ARHGEF10L: variants seen among roughly 807,000 people sequenced by gnomAD.
The protein encoded by ARHGEF10L is rho guanine nucleotide exchange factor 10-like protein.
A neutral mutation model predicts 141.2 loss-of-function variants in ARHGEF10L; 69 were observed. The ratio of observed to expected loss-of-function variants is 0.49; its 90% CI spans 0.40 to 0.60. The LOEUF (loss-of-function observed/expected upper bound fraction) is 0.60, where lower values mean the gene tolerates loss of function less well. ARHGEF10L is among the 20% of genes least tolerant of loss of function. The probability of loss-of-function intolerance (pLI) is 0.00; values close to 1 mark genes in which losing one functional copy is unlikely to be tolerated. For missense variants in ARHGEF10L, 1,482 were observed against 1,734.3 expected (o/e 0.85, Z 2.58); for synonymous variants, 711 against 718.5 (o/e 0.99, Z 0.17).
At chr1:17,685,602 A>T (rs2064505076) in intron 26 of ARHGEF10L, among the ~76,000 whole-genome samples, 1 of 152,146 alleles carries the variant, frequency 6.6e-6, no homozygotes, top group South Asian at 2.1e-4. Flanking sequence ...CTTTGTTTTA[A>T]TTGCCTCCTG....
chr1:17,544,339 G>A (rs1015611428), intron 1 of ARHGEF10L, among the ~76,000 whole-genome samples: 1 of 151,722 alleles, frequency 6.6e-6, no homozygotes, highest in East Asian at 1.9e-4. Flanking sequence ...TGCTCAGGCT[G>A]GAGTGCAATG....
Position 17,623,236 on chromosome 1 carries a change from C to A in ARHGEF10L, c.1200+61C>A. 1 of 1,563,734 alleles carries A rather than the reference C, an allele frequency of 6.4e-7. No individual in the cohort carries two copies. Among genetic ancestry groups the A allele is most frequent in the Non-Finnish European group, 8.7e-7 (1 of 1,150,174 alleles). ...GGTAAAACCACAACCAGTCTGACCC[C>A]GGGGCCATGCAGTCCAGCCTCCTGC... On this transcript the variant is annotated intron_variant, in intron 12 of 28. Coordinates refer to ENST00000361221, the MANE Select transcript of ARHGEF10L (RefSeq NM_018125.4). The surrounding 1 kb of genome is among the most constrained non-coding windows in gnomAD (Gnocchi z 4.7).
At chr1:17,548,956 G>A (rs765302189) in intron 1 of ARHGEF10L, among the ~76,000 whole-genome samples, 39 of 150,926 alleles carry the variant, frequency 2.6e-4, no homozygotes, top group Non-Finnish European at 4.6e-4. Context: ...GCCCTGGGAT[G>A]GCATATTCTG....
intron 26 of ARHGEF10L, among the ~76,000 whole-genome samples, chr1:17,668,132 C>T (rs2063097847): frequency 6.6e-6 from 1 of 152,198 alleles, no homozygotes; most frequent in Non-Finnish European, 1.5e-5. Context: ...ACGGTCTTGG[C>T]ACGTGGCGAG....
chr1:17,578,262 G>A (rs2078304042), intron 1 of ARHGEF10L, among the ~76,000 whole-genome samples: 1 of 152,196 alleles, frequency 6.6e-6, no homozygotes, highest in Admixed American at 6.5e-5. Flanking sequence ...TAGCAGGAGT[G>A]CCGTGCAGCT....
intron 1 of ARHGEF10L, among the ~76,000 whole-genome samples, chr1:17,577,559 A>G (rs189371148): frequency 5.4e-4 from 83 of 152,348 alleles, no homozygotes; most frequent in Non-Finnish European, 1.0e-3. Flanking sequence ...TGAGACTAAC[A>G]GCCTGTGTGT....
chr1:17,589,854 G>A (rs1472442913), intron 4 of ARHGEF10L, among the ~76,000 whole-genome samples: 5 of 152,084 alleles, frequency 3.3e-5, no homozygotes, highest in Non-Finnish European at 7.4e-5. Flanking sequence ...AGAGACGGAC[G>A]CCCAGGGAGC....
rs2060427721 is a variant in ARHGEF10L at position 17,627,064 on chromosome 1, A to G, written c.1411-266A>G. On this transcript the variant is annotated intron_variant, in intron 14 of 28. Coordinates refer to ENST00000361221, the MANE Select transcript of ARHGEF10L (RefSeq NM_018125.4). The surrounding 1 kb of genome is among the most constrained non-coding windows in gnomAD (Gnocchi z 4.0). The stretch of plus-strand genomic sequence containing the variant: ...GGCGACTGTGGCTAATGCTGCTATG[A>G]ACATGGCTGGACAAATATCTGTTTG... Among the ~76,000 whole-genome samples the G allele has an allele frequency of 6.6e-6, 1 of 152,260 alleles. No homozygotes were observed. Among genetic ancestry groups the G allele is most frequent in the African/African-American group, 2.4e-5 (1 of 41,468 alleles).
At chr1:17,617,872 A>G (rs2059893124) in intron 9 of ARHGEF10L, among the ~76,000 whole-genome samples, 2 of 152,182 alleles carry the variant, frequency 1.3e-5, no homozygotes, top group African/African-American at 4.8e-5. Context: ...GTTTGGTGCC[A>G]GGACGGCCTC....
the ARHGEF10L span, among the ~76,000 whole-genome samples, chr1:17,516,332 G>C: frequency 4.5e-4 from 69 of 152,342 alleles, no homozygotes; most frequent in African/African-American, 1.6e-3. Flanking sequence ...TGCCCTCCTC[G>C]GGCCTTTGCA....
In ARHGEF10L at chr1:17,625,834, A is replaced by G; in HGVS notation, c.1318-122A>G. The G allele has an allele frequency of 1.3e-6, 1 of 792,130 alleles. No homozygotes were observed. The highest frequency in any genetic ancestry group is 2.1e-6 in the Non-Finnish European group (1 of 484,026). 49.1% of individuals were successfully genotyped at this position (792,130 alleles called of 1,614,324 possible). A position where few individuals can be genotyped will look rare whatever the true frequency, so the allele number is the denominator to read the frequency against. The stretch of plus-strand genomic sequence containing the variant: ...CTCTCTCAGCTCTTCTTGCAAGCCC[A>G]GGGATAGGCAGGGTCTTAGGGCCTG... On this transcript the variant is annotated intron_variant, in intron 13 of 28. Transcript: ENST00000361221. The surrounding 1 kb of genome is among the most constrained non-coding windows in gnomAD (Gnocchi z 4.5).
intron 1 of ARHGEF10L, among the ~76,000 whole-genome samples, chr1:17,547,335 T>C (rs1052365606): frequency 6.6e-6 from 1 of 152,198 alleles, no homozygotes; most frequent in African/African-American, 2.4e-5. Context: ...TGCCAGCCCA[T>C]GTTGGCATGT....
upstream of ARHGEF10L, among the ~76,000 whole-genome samples, chr1:17,536,337 G>A (rs965536940): frequency 6.6e-6 from 1 of 152,084 alleles, no homozygotes; most frequent in Non-Finnish European, 1.5e-5. Flanking sequence ...AAAAATTGGC[G>A]GGGCATGATG....
At chr1:17,575,819 C>G (rs2078198200) in intron 1 of ARHGEF10L, among the ~76,000 whole-genome samples, 1 of 152,174 alleles carries the variant, frequency 6.6e-6, no homozygotes, top group South Asian at 2.1e-4. Flanking sequence ...GAGTTCTGGT[C>G]CTGACCAGCC....
intron 1 of ARHGEF10L, among the ~76,000 whole-genome samples, chr1:17,545,195 A>G (rs1460914453): frequency 6.6e-6 from 1 of 152,212 alleles, no homozygotes; most frequent in Non-Finnish European, 1.5e-5. Flanking sequence ...GAAATTGGCC[A>G]GAGTGAGAGT....
At chr1:17,689,634 C>T in intron 27 of ARHGEF10L, 1 of 225,750 alleles carries the variant, frequency 4.4e-6, no homozygotes, top group South Asian at 3.9e-5. Context: ...TCCTTCCTCC[C>T]TTTCTTGTTT....
intron 22 of ARHGEF10L, among the ~76,000 whole-genome samples, chr1:17,653,109 G>A (rs1055865734): frequency 6.6e-6 from 1 of 152,164 alleles, no homozygotes; most frequent in Non-Finnish European, 1.5e-5. Context: ...GCCCTGGGCC[G>A]GGTGCTTTAC....
At chr1:17,641,713 T>A (rs2061336823) in intron 21 of ARHGEF10L, among the ~76,000 whole-genome samples, 1 of 151,834 alleles carries the variant, frequency 6.6e-6, no homozygotes, top group Non-Finnish European at 1.5e-5. Context: ...GCGTGGTGGC[T>A]CGCGCCTGTA....
chr1:17,623,140 T>G lies in ARHGEF10L; in HGVS notation c.1165T>G (p.Ser389Ala), dbSNP rs2060196588. ...ALSSRVAEWD[S>A]TEKIGDLFVA... ...GTCCTCCCGCGTGGCTGAGTGGGAT[T>G]CCACCGAGAAGATCGGGGACCTCTT... Residue 389 changes from serine (S) to alanine (A), a missense_variant, in exon 12 of 29, where the codon TCC becomes GCC. By Grantham distance (99) the Ser-to-Ala change is moderately conservative. Around this residue, in one of 3 missense-constraint regions of ARHGEF10L, gnomAD observed 392 missense variants for 542.1 expected, o/e 0.72. Transcript: ENST00000361221. This position sits in a 1 kb window ranked among gnomAD's most constrained non-coding sequence, Gnocchi z 4.7. The G allele has an allele frequency of 6.2e-7, 1 of 1,613,398 alleles. No homozygotes were observed. The highest frequency in any genetic ancestry group is 8.5e-7 in the Non-Finnish European group (1 of 1,179,730).
Sources: allele counts gnomAD v4.1 joint callset (sites outside exome capture counted in the v4.1 genomes callset), GRCh38; gene constraint gnomAD v4.1.1; regional missense constraint gnomAD v4.1.1; non-coding constraint Gnocchi (gnomAD v3.1); transcripts MANE v1.5; gene names NCBI Gene and HGNC (gene_info 2026-07-23, HGNC 2026-07-21).